PGPEP1L: variants seen among roughly 807,000 people sequenced by gnomAD.
PGPEP1L encodes the protein pyroglutamyl-peptidase I like.
PGPEP1L carries 7 observed loss-of-function variants against 6.0 expected under a neutral mutation model. That is an observed-to-expected ratio of 1.17 (90% CI 0.66 to 2.19). The LOEUF (loss-of-function observed/expected upper bound fraction) is 2.19. Among genes scored for constraint, PGPEP1L ranks in the 30% most tolerant of loss-of-function variants. PGPEP1L has a pLI of 0.00. For missense variants in PGPEP1L, 209 were observed against 192.5 expected (o/e 1.09, Z -0.51); for synonymous variants, 103 against 83.9 (o/e 1.23, Z -1.24).
At chr15:98,982,699 GCTTTTTT>G (rs2017682497) in intron 2 of PGPEP1L, among the ~76,000 whole-genome samples, 2 of 73,466 alleles carry the variant, frequency 2.7e-5, no homozygotes, top group African/African-American at 7.7e-5. Context: ...TTTATCTGAG[GCTTTTTT>G]TTTTTTTTTT....
intron 2 of PGPEP1L, among the ~76,000 whole-genome samples, chr15:98,977,447 G>A (rs1596514084): frequency 6.6e-6 from 1 of 152,088 alleles, no homozygotes; most frequent in South Asian, 2.1e-4. Flanking sequence ...TTCATCTCTG[G>A]CTTATTTAGA....
intron 2 of PGPEP1L, among the ~76,000 whole-genome samples, chr15:98,980,570 C>A (rs1020030979): frequency 6.6e-6 from 1 of 152,160 alleles, no homozygotes; most frequent in Non-Finnish European, 1.5e-5. Flanking sequence ...GGAACTCCCC[C>A]ACTCGAGTGT....
At chr15:98,969,896 T>C (rs560947969) in intron 3 of PGPEP1L, among the ~76,000 whole-genome samples, 1 of 152,238 alleles carries the variant, frequency 6.6e-6, no homozygotes, top group Non-Finnish European at 1.5e-5. Flanking sequence ...AAATGCTTTT[T>C]ACTTCAAATT....
intron 2 of PGPEP1L, among the ~76,000 whole-genome samples, chr15:98,991,941 G>A (rs189004548): frequency 3.3e-5 from 5 of 152,186 alleles, no homozygotes; most frequent in African/African-American, 9.6e-5. Flanking sequence ...AGGTACTGAC[G>A]GAATGTATCT....
intron 3 of PGPEP1L, among the ~76,000 whole-genome samples, chr15:98,970,287 G>A (rs971865073): frequency 7.2e-5 from 11 of 152,086 alleles, no homozygotes; most frequent in African/African-American, 1.2e-4. Context: ...CAAGTGATCC[G>A]CCTGCCTCGG....
At chr15:99,003,034 T>TTTACTTC (rs2017996450) in intron 2 of PGPEP1L, among the ~76,000 whole-genome samples, 2 of 151,942 alleles carry the variant, frequency 1.3e-5, no homozygotes, top group Admixed American at 1.3e-4. Context: ...CAGGGTTGGC[T>TTTACTTC]CATGAGGAAG....
chr15:98,988,838 G>T (rs2017783228), intron 2 of PGPEP1L, among the ~76,000 whole-genome samples: 1 of 152,108 alleles, frequency 6.6e-6, no homozygotes, highest in Admixed American at 6.5e-5. Context: ...AGACAAACAG[G>T]GTCTACAGTG....
At chr15:99,006,888 C>T (rs1555473722) in intron 1 of PGPEP1L, among the ~76,000 whole-genome samples, 2 of 152,246 alleles carry the variant, frequency 1.3e-5, no homozygotes. Context: ...TTCTCTGTCC[C>T]CATCTAGGTC....
chr15:98,980,243 A>G (rs556621635), intron 2 of PGPEP1L, among the ~76,000 whole-genome samples: 1 of 152,302 alleles, frequency 6.6e-6, no homozygotes, highest in East Asian at 1.9e-4. Context: ...AGCTAAACAC[A>G]CAGCCATAAA....
intron 2 of PGPEP1L, chr15:99,001,291 A>C (rs2017965399): frequency 3.9e-6 from 1 of 253,782 alleles, no homozygotes; most frequent in Non-Finnish European, 8.1e-6. Flanking sequence ...TAAATGAAAG[A>C]AGCCAGAGGC....
At chr15:98,970,993 A>G in intron 3 of PGPEP1L, 43 bp downstream of exon 3, 1 of 1,609,296 alleles carries the variant, frequency 6.2e-7, no homozygotes, top group East Asian at 2.2e-5. Context: ...CTCCAGCTCC[A>G]CATCGCCAGT....
rs748597267 is a variant in PGPEP1L at position 98,971,150 on chromosome 15, G to A, written c.-133C>T. 1.3e-6 allele frequency: 2 copies of A among 1,508,926 alleles called. No homozygotes were observed. Among genetic ancestry groups the A allele is most frequent in the East Asian group, 2.6e-5 (1 of 37,756 alleles). 93.5% of individuals were successfully genotyped at this position (1,508,926 alleles called of 1,614,324 possible). On this transcript the variant is annotated 5_prime_UTR_variant, in exon 3 of 5. It introduces an in-frame stop codon into an upstream open reading frame of the 5' UTR. Coordinates refer to ENST00000535714, the MANE Select transcript of PGPEP1L (RefSeq NM_001167902.2). Reference sequence around the variant, plus strand: ...CTGTTTCATTCCCCAGGCCCAGCTTGGAGAGCTCCTGAGGAAAGCGGCAGG... The same window carrying A: ...CTGTTTCATTCCCCAGGCCCAGCTTAGAGAGCTCCTGAGGAAAGCGGCAGG...
chr15:98,973,841 T>C (rs536053617), intron 2 of PGPEP1L, among the ~76,000 whole-genome samples: 1 of 151,708 alleles, frequency 6.6e-6, no homozygotes, highest in African/African-American at 2.4e-5. Flanking sequence ...AGGAAAGAAA[T>C]AATAAAGATC....
At chr15:98,973,753 T>A (rs115184904) in intron 2 of PGPEP1L, among the ~76,000 whole-genome samples, 1 of 152,086 alleles carries the variant, frequency 6.6e-6, no homozygotes, top group Non-Finnish European at 1.5e-5. Flanking sequence ...ATCAAAAAGA[T>A]AGAAAGACTT....
chr15:98,973,113 C>T (rs1169703842), intron 2 of PGPEP1L, among the ~76,000 whole-genome samples: 2 of 151,976 alleles, frequency 1.3e-5, no homozygotes, highest in African/African-American at 2.4e-5. Flanking sequence ...AAAAAGGACA[C>T]AGAAGAACAT....
intron 2 of PGPEP1L, among the ~76,000 whole-genome samples, chr15:98,983,605 T>TA (rs1301467060): frequency 1.3e-5 from 2 of 152,138 alleles, no homozygotes; most frequent in African/African-American, 2.4e-5. Flanking sequence ...GCTCCAAAAT[T>TA]AGAGTATCCA....
At chr15:98,977,029 T>C (rs1365229865) in intron 2 of PGPEP1L, among the ~76,000 whole-genome samples, 1 of 148,610 alleles carries the variant, frequency 6.7e-6, no homozygotes, top group African/African-American at 2.5e-5. Flanking sequence ...AAAACAAGTC[T>C]GTAGTGACTT....
intron 2 of PGPEP1L, among the ~76,000 whole-genome samples, chr15:98,997,607 GACA>G (rs1210216096): frequency 2.0e-5 from 3 of 152,154 alleles, no homozygotes; most frequent in African/African-American, 7.2e-5. Flanking sequence ...TGTTGTTTAT[GACA>G]ACAGACATTT....
intron 2 of PGPEP1L, among the ~76,000 whole-genome samples, chr15:99,000,952 A>C (rs1555472942): frequency 1.3e-5 from 2 of 151,986 alleles, no homozygotes; most frequent in African/African-American, 2.4e-5. Context: ...GCTGTAACTC[A>C]CCACAAAGGT....
Sources: allele counts gnomAD v4.1 joint callset (sites outside exome capture counted in the v4.1 genomes callset), GRCh38; gene constraint gnomAD v4.1.1; transcripts MANE v1.5; gene names NCBI Gene and HGNC (gene_info 2026-07-23, HGNC 2026-07-21).